The following PTPRT variants were observed in gnomAD, a reference collection of about 807,000 sequenced individuals.
PTPRT encodes the protein receptor-type tyrosine-protein phosphatase T.
PTPRT carries 56 observed loss-of-function variants against 176.8 expected under a neutral mutation model. The ratio of observed to expected loss-of-function variants is 0.32; its 90% CI spans 0.26 to 0.40. The LOEUF is 0.40. Ranked by LOEUF, PTPRT falls within the 10% of genes least tolerant of loss-of-function variation. PTPRT has a pLI of 1.00. For missense variants in PTPRT, 1,540 were observed against 1,908.2 expected (o/e 0.81, Z 3.60); for synonymous variants, 783 against 739.0 (o/e 1.06, Z -0.96).
chr20:42,168,782 C>T (rs900049262), intron 16 of PTPRT, among the ~76,000 whole-genome samples: 2 of 152,164 alleles, frequency 1.3e-5, no homozygotes, highest in African/African-American at 4.8e-5. Context: ...TAAGAATGCT[C>T]TGTTCTGTGT....
intron 1 of PTPRT, among the ~76,000 whole-genome samples, chr20:42,954,578 A>G (rs575620699): frequency 6.6e-6 from 1 of 152,288 alleles, no homozygotes; most frequent in Admixed American, 6.5e-5. Flanking sequence ...TAAGTGCTAC[A>G]TAGAAGATGC....
At chr20:42,337,746 C>T (rs1039158935) in intron 11 of PTPRT, among the ~76,000 whole-genome samples, 1 of 152,174 alleles carries the variant, frequency 6.6e-6, no homozygotes, top group East Asian at 1.9e-4. Context: ...CATCAGTATT[C>T]GATCTGGGAC....
chr20:42,767,941 C>T (rs2077006709), intron 5 of PTPRT, among the ~76,000 whole-genome samples: 1 of 140,844 alleles, frequency 7.1e-6, no homozygotes, highest in African/African-American at 2.6e-5. Context: ...TATATTATAA[C>T]ATACTATATA....
intron 1 of PTPRT, among the ~76,000 whole-genome samples, chr20:43,052,838 CT>C (rs1987099126): frequency 6.6e-6 from 1 of 152,208 alleles, no homozygotes; most frequent in Non-Finnish European, 1.5e-5. Context: ...AACACACTTT[CT>C]ATCTCCACAG....
rs200001949 is a variant in PTPRT, at chr20:43,024,340, TA to T, written c.89-138409del. Among the ~76,000 whole-genome samples, 52 of 148,958 alleles carry T rather than the reference TA, an allele frequency of 3.5e-4. 1 individual carries two copies. Among genetic ancestry groups the T allele is most frequent in the African/African-American group, 1.2e-3 (47 of 40,596 alleles). ...GTGTTACTACTAATGCAAGAGGGGG[TA>T]AAAAAAAATGGCTCCAAGGCTGGTA... is the stretch of plus-strand genomic sequence containing the variant. On this transcript the variant is annotated intron_variant, in intron 1 of 30. Coordinates refer to ENST00000373187, the MANE Select transcript of PTPRT (RefSeq NM_007050.6).
chr20:42,104,601 T>C lies in PTPRT; in HGVS notation c.3508A>G (p.Thr1170Ala), dbSNP rs778170735. Residue 1170 changes from threonine to alanine, a missense_variant, in exon 25 of 31, where the codon ACA (threonine) becomes GCA (alanine). Thr to Ala is a moderately conservative substitution (Grantham distance 58, BLOSUM62 0). Transcript: ENST00000373187. ...TCATCTTTGATTTGGCTGGAGTTTGTCTGGGGGTCCAGCCTGCTGATATTG... is the reference window on the plus strand; with the variant it reads ...TCATCTTTGATTTGGCTGGAGTTTGCCTGGGGGTCCAGCCTGCTGATATTG... Reference protein sequence around the residue: ...YYNISRLDPQTNSSQIKDEFQ... With the variant: ...YYNISRLDPQANSSQIKDEFQ... 3.1e-6 allele frequency: 5 copies of C among 1,613,012 alleles called. No individual in the cohort carries two copies. Among genetic ancestry groups the C allele is most frequent in the South Asian group, 1.1e-5 (1 of 91,012 alleles).
chr20:42,668,803 T>G (rs2146031553), intron 7 of PTPRT, among the ~76,000 whole-genome samples: 1 of 149,670 alleles, frequency 6.7e-6, no homozygotes, highest in South Asian at 2.1e-4. Flanking sequence ...GCCATTCTCC[T>G]GCCTCAGCCT....
At chr20:42,083,119 A>C (rs1014607863) in intron 29 of PTPRT, among the ~76,000 whole-genome samples, 4 of 26,236 alleles carry the variant, frequency 1.5e-4, no homozygotes, top group African/African-American at 3.7e-4. Context: ...ACACTAGTGC[A>C]AAAAAAAAAA....
Position 42,304,035 on chromosome 20 carries a change from T to C in PTPRT, c.2139+11688A>G, listed in dbSNP as rs531888561. Among the ~76,000 whole-genome samples, 3 of 152,284 alleles carry C rather than the reference T, an allele frequency of 2.0e-5. No individual in the cohort carries two copies. The East Asian group carries it at 5.8e-4, about 29-fold the overall frequency. On this transcript the variant is annotated intron_variant, in intron 12 of 30. Coordinates refer to ENST00000373187, the MANE Select transcript of PTPRT (RefSeq NM_007050.6). The stretch of plus-strand genomic sequence containing the variant: ...TATGGGTTTGCAAACTTGAGGACCA[T>C]GATGTAAAAGATGACACTTGATGAA...
intron 13 of PTPRT, chr20:42,270,363 T>TGCCCCCCCCCCCCC: frequency 7.5e-7 from 1 of 1,332,712 alleles, no homozygotes; most frequent in Non-Finnish European, 1.0e-6. Context: ...TGGGCAACTC[T>TGCCCCCCCCCCCCC]CCCCTCCCAC....
intron 1 of PTPRT, among the ~76,000 whole-genome samples, chr20:42,997,732 A>G (rs1984301316): frequency 6.6e-6 from 1 of 152,220 alleles, no homozygotes; most frequent in African/African-American, 2.4e-5. Flanking sequence ...TAGTGCCTAG[A>G]ATGTGTGAAG....
chr20:42,197,310 C>T (rs8118344), intron 16 of PTPRT, among the ~76,000 whole-genome samples: 5,410 of 130,212 alleles, frequency 0.042, 313 homozygotes, highest in African/African-American at 0.15. Context: ...ACCCAGGAGG[C>T]GGAGCTTGCA....
intron 16 of PTPRT, among the ~76,000 whole-genome samples, chr20:42,171,243 AC>A (rs1392415375): frequency 2.0e-5 from 3 of 152,220 alleles, no homozygotes; most frequent in South Asian, 2.1e-4. Flanking sequence ...AGAGAAAAAA[AC>A]ATCCACAAGA....
At chr20:42,429,608 G>A (rs115108698) in intron 9 of PTPRT, among the ~76,000 whole-genome samples, 2,747 of 152,310 alleles carry the variant, frequency 0.018, 87 homozygotes, top group African/African-American at 0.061. Flanking sequence ...GAGAAAGGTG[G>A]AGGGAAGACA....
At chr20:42,043,788 C>T in the PTPRT span, among the ~76,000 whole-genome samples, 6 of 152,242 alleles carry the variant, frequency 3.9e-5, no homozygotes, top group South Asian at 2.1e-4. Flanking sequence ...GTTGGACAAT[C>T]GATTTGTTTA....
At chr20:42,245,167 C>T (rs778479077) in intron 14 of PTPRT, among the ~76,000 whole-genome samples, 47 of 152,138 alleles carry the variant, frequency 3.1e-4, no homozygotes, top group Non-Finnish European at 5.6e-4. Context: ...AAAGATGGAG[C>T]CACTATCTAG....
chr20:42,625,134 A>G (rs1385746687), intron 7 of PTPRT, among the ~76,000 whole-genome samples: 3 of 152,210 alleles, frequency 2.0e-5, no homozygotes, highest in African/African-American at 7.2e-5. Context: ...AACTGCAGTA[A>G]AATGGATGGG....
intron 7 of PTPRT, among the ~76,000 whole-genome samples, chr20:42,558,750 T>C (rs1454365495): frequency 6.6e-6 from 1 of 152,128 alleles, no homozygotes; most frequent in Non-Finnish European, 1.5e-5. Flanking sequence ...TGACGAATAT[T>C]GCACTGATGT....
At chr20:42,249,777 A>C (rs2056518812) in intron 13 of PTPRT, among the ~76,000 whole-genome samples, 2 of 152,336 alleles carry the variant, frequency 1.3e-5, no homozygotes, top group South Asian at 2.1e-4. Context: ...GCCATAACAA[A>C]GTAAGCAGGC....
Sources: allele counts gnomAD v4.1 joint callset (sites outside exome capture counted in the v4.1 genomes callset), GRCh38; gene constraint gnomAD v4.1.1; transcripts MANE v1.5; gene names NCBI Gene and HGNC (gene_info 2026-07-23, HGNC 2026-07-21).